Variants in CATSPERD observed in about 807,000 individuals in gnomAD.
CATSPERD encodes cation channel sperm-associated auxiliary subunit delta.
Under a neutral mutation model 98.1 loss-of-function variants are expected in CATSPERD, and 86 were observed. The ratio of observed to expected loss-of-function variants is 0.88; its 90% CI spans 0.74 to 1.05. The LOEUF is 1.05. Ranked by LOEUF, CATSPERD falls within the 50% of genes least tolerant of loss-of-function variation. The pLI is 0.00. For missense variants in CATSPERD, 995 were observed against 1,005.7 expected (o/e 0.99, Z 0.14); for synonymous variants, 394 against 390.2 (o/e 1.01, Z -0.12).
At chr19:5,769,971 C>T (rs1358170675) in intron 18 of CATSPERD, among the ~76,000 whole-genome samples, 2 of 151,694 alleles carry the variant, frequency 1.3e-5, no homozygotes, top group African/African-American at 4.8e-5. Context: ...TGCCTGTAGT[C>T]CCAGCTACTC....
intron 10 of CATSPERD, 55 bp downstream of exon 10, chr19:5,748,310 G>A (rs1414626303): frequency 9.2e-6 from 14 of 1,528,598 alleles, no homozygotes; most frequent in Admixed American, 6.7e-5. Context: ...CTTATTAACC[G>A]TAGGCCTGCC....
At chr19:5,769,026 C>T (rs1599590693) in intron 18 of CATSPERD, among the ~76,000 whole-genome samples, 1 of 151,844 alleles carries the variant, frequency 6.6e-6, no homozygotes, top group East Asian at 2.0e-4. Flanking sequence ...TGGTGGTGGG[C>T]ACCTGTAATG....
At chr19:5,777,408 A>G (rs1180107901) in intron 21 of CATSPERD, among the ~76,000 whole-genome samples, 2 of 151,882 alleles carry the variant, frequency 1.3e-5, no homozygotes, top group Admixed American at 1.3e-4. Flanking sequence ...ATTCTGTGAC[A>G]CCCCTGAACC....
intron 14 of CATSPERD, 107 bp downstream of exon 14, chr19:5,758,039 G>A (rs1046614056): frequency 9.0e-6 from 8 of 884,434 alleles, no homozygotes; most frequent in East Asian, 3.0e-5. Context: ...TACATAGCCC[G>A]TGGCCGTGCC....
chr19:5,767,781 ATTATTTTATT>A (rs60556564), intron 17 of CATSPERD, among the ~76,000 whole-genome samples: 1 of 149,838 alleles, frequency 6.7e-6, no homozygotes, highest in Non-Finnish European at 1.5e-5. Context: ...TATTTGTTTT[ATTATTTTATT>A]TTAATTTTTA....
At chr19:5,722,103 C>T (rs1170544710) in intron 1 of CATSPERD, among the ~76,000 whole-genome samples, 1 of 152,040 alleles carries the variant, frequency 6.6e-6, no homozygotes, top group Non-Finnish European at 1.5e-5. Context: ...AGGCATGAGC[C>T]ACCCATGCCC....
intron 14 of CATSPERD, among the ~76,000 whole-genome samples, chr19:5,758,466 G>A (rs962177571): frequency 2.6e-5 from 4 of 151,718 alleles, no homozygotes; most frequent in South Asian, 2.1e-4. Context: ...AGTGGCTCAC[G>A]CCTGGAATCC....
rs1416272061 is a variant in CATSPERD at position 5,751,713 on chromosome 19, A to G, written c.1054A>G (p.Ile352Val). The change falls in exon 12 of 22, where the codon ATA (isoleucine) becomes GTA (valine). Residue 352 changes from isoleucine (I) to valine (V), a missense_variant. Coordinates refer to ENST00000381624, the MANE Select transcript of CATSPERD (RefSeq NM_152784.4). ...GTTCAGGAGCCCAGGGACTCTGGAAATACTGACCCCACTGCGTGACACAGC... is the reference window on the plus strand; with the variant it reads ...GTTCAGGAGCCCAGGGACTCTGGAAGTACTGACCCCACTGCGTGACACAGC... ...LMFRSPGTLEILTPLRDTAFP... is the reference protein window; with the variant it reads ...LMFRSPGTLEVLTPLRDTAFP... The G allele has an allele frequency of 3.1e-6, 5 of 1,613,832 alleles. No individual in the cohort carries two copies. The highest frequency in any genetic ancestry group is 4.2e-6 in the Non-Finnish European group (5 of 1,179,980).
chr19:5,750,082 T>G (rs1049148609), intron 11 of CATSPERD, among the ~76,000 whole-genome samples: 8 of 150,278 alleles, frequency 5.3e-5, no homozygotes, highest in African/African-American at 1.5e-4. Flanking sequence ...GGGATTACAG[T>G]CGTGAGCCAC....
intron 7 of CATSPERD, among the ~76,000 whole-genome samples, chr19:5,742,129 CGT>C (rs1253689091): frequency 4.7e-5 from 7 of 148,014 alleles, no homozygotes; most frequent in East Asian, 3.9e-4. Flanking sequence ...TTTGTGTGTG[CGT>C]GTGTGCGCGT....
intron 12 of CATSPERD, 142 bp downstream of exon 12, chr19:5,751,965 C>T: frequency 1.3e-6 from 1 of 767,686 alleles, no homozygotes; most frequent in Non-Finnish European, 1.9e-6. Flanking sequence ...GAGTTCAAGA[C>T]CAGCCTGGGC....
At chr19:5,738,844 G>C (rs1250214086) in intron 6 of CATSPERD, among the ~76,000 whole-genome samples, 2 of 152,162 alleles carry the variant, frequency 1.3e-5, no homozygotes, top group African/African-American at 2.4e-5. Flanking sequence ...CCAAAGTGCT[G>C]GGATTACAGG....
rs369986048 is a variant in CATSPERD at position 5,772,266 on chromosome 19, C to T, written c.1764-522C>T. The T allele has an allele frequency of 3.1e-3, 629 of 200,720 alleles. 9 individuals are homozygous for T. Among genetic ancestry groups the T allele is most frequent in the South Asian group, 0.021 (535 of 24,968 alleles). 12.4% of individuals were successfully genotyped at this position (200,720 alleles called of 1,614,324 possible). On this transcript the variant is annotated intron_variant, in intron 19 of 21. Coordinates refer to ENST00000381624, the MANE Select transcript of CATSPERD (RefSeq NM_152784.4). Reference sequence around the variant, plus strand: ...TTTTTGAGACAGAGTCTCGCTCTGTCGCCCAGGCTGGAGTGCAGCGGTGTG... The same window carrying T: ...TTTTTGAGACAGAGTCTCGCTCTGTTGCCCAGGCTGGAGTGCAGCGGTGTG...
intron 16 of CATSPERD, among the ~76,000 whole-genome samples, chr19:5,763,631 G>C (rs1272843313): frequency 1.3e-5 from 2 of 152,068 alleles, no homozygotes; most frequent in East Asian, 3.9e-4. Context: ...AGGATGGGGG[G>C]TGTCAGGAGC....
chr19:5,766,131 T>C lies in CATSPERD; in HGVS notation c.1535T>C (p.Leu512Pro), dbSNP rs752753827. The C allele has an allele frequency of 3.1e-6, 5 of 1,612,984 alleles. No individual in the cohort carries two copies. The highest frequency in any genetic ancestry group is 1.6e-4 in the Middle Eastern group (1 of 6,078). The change falls in exon 17 of 22, where the codon CTG becomes CCG. Residue 512 changes from leucine to proline, a missense_variant. By Grantham distance (98) the Leu-to-Pro change is moderately conservative (BLOSUM62 -3). This residue lies in a region of CATSPERD where 762 missense variants were observed against 773.7 expected (regional missense o/e 0.98). Coordinates refer to ENST00000381624, the MANE Select transcript of CATSPERD (RefSeq NM_152784.4). ...ACACTGATTTCAGTTGGCTGCGACC[T>C]GGATAAAAAGATCGTCATCCAGAAG... The part of the protein sequence containing the change: ...LSTLISVGCD[L>P]DKKIVIQNKV...
intron 4 of CATSPERD, among the ~76,000 whole-genome samples, chr19:5,731,577 T>TTTTTTTTC (rs1357796116): frequency 7.9e-6 from 1 of 126,056 alleles, no homozygotes; most frequent in Non-Finnish European, 1.7e-5. Context: ...TTTTTTTTTT[T>TTTTTTTTC]TTTTTTTTTG....
chr19:5,771,763 G>A (rs1216157839), intron 19 of CATSPERD, among the ~76,000 whole-genome samples: 1 of 151,466 alleles, frequency 6.6e-6, no homozygotes, highest in African/African-American at 2.4e-5. Flanking sequence ...TAGAGATGGG[G>A]TTTTACCATG....
At chr19:5,728,142 G>A (rs2055642952) in intron 3 of CATSPERD, among the ~76,000 whole-genome samples, 2 of 151,284 alleles carry the variant, frequency 1.3e-5, no homozygotes, top group African/African-American at 4.9e-5. Flanking sequence ...GGGGGATCAC[G>A]AGGTCAAGAG....
intron 19 of CATSPERD, among the ~76,000 whole-genome samples, chr19:5,771,493 C>T (rs1212395604): frequency 6.6e-6 from 1 of 151,646 alleles, no homozygotes; most frequent in Non-Finnish European, 1.5e-5. Flanking sequence ...CTGCCTTGGC[C>T]TCTCAAAGTG....
Sources: allele counts gnomAD v4.1 joint callset (sites outside exome capture counted in the v4.1 genomes callset), GRCh38; gene constraint gnomAD v4.1.1; regional missense constraint gnomAD v4.1.1; transcripts MANE v1.5; gene names NCBI Gene and HGNC (gene_info 2026-07-23, HGNC 2026-07-21).